Variants in COL5A2 observed in about 807,000 individuals in gnomAD.
COL5A2 encodes collagen alpha-2(V) chain.
COL5A2 carries 23 observed loss-of-function variants against 208.2 expected under a neutral mutation model. The observed-to-expected ratio is 0.11, with a 90% CI of 0.08 to 0.16. The LOEUF (loss-of-function observed/expected upper bound fraction) is 0.16, where lower values mean the gene tolerates loss of function less well. Among genes scored for constraint, COL5A2 ranks in the 10% least tolerant of loss-of-function variants. The probability of loss-of-function intolerance (pLI) is 1.00; values close to 1 mark genes in which losing one functional copy is unlikely to be tolerated. For synonymous variants in COL5A2, 625 were observed against 628.5 expected, an observed-to-expected ratio of 0.99 and a Z score of 0.08; for missense variants, 1,590 against 1,956.4, an observed-to-expected ratio of 0.81 and a Z score of 3.53.
intron 1 of COL5A2, among the ~76,000 whole-genome samples, chr2:189,138,451 A>G (rs1366830703): frequency 3.3e-5 from 5 of 152,136 alleles, no homozygotes; most frequent in African/African-American, 1.2e-4. Context: ...TAACTCATAC[A>G]TGCTTAATTG....
chr2:189,043,076 C>G, intron 48 of COL5A2, 75 bp downstream of exon 48: 1 of 1,062,644 alleles, frequency 9.4e-7, no homozygotes, highest in South Asian at 1.3e-5. Context: ...ATTTTACAGA[C>G]AGATAAATGT....
intron 10 of COL5A2, 114 bp from the exon 11 acceptor site, chr2:189,085,327 G>A (rs1576516642): frequency 1.0e-6 from 1 of 967,104 alleles, no homozygotes; most frequent in African/African-American, 1.6e-5. Flanking sequence ...TGAAACAAAT[G>A]AAAATGATAA....
At chr2:189,192,571 G>A (rs1688944597) in intron 1 of COL5A2, among the ~76,000 whole-genome samples, 1 of 152,092 alleles carries the variant, frequency 6.6e-6, no homozygotes, top group Non-Finnish European at 1.5e-5. Context: ...AAAATATGTT[G>A]TCATTCTCAT....
At chr2:189,353,156 G>A in the COL5A2 span, among the ~76,000 whole-genome samples, 1 of 152,016 alleles carries the variant, frequency 6.6e-6, no homozygotes, top group Non-Finnish European at 1.5e-5. Context: ...ATATATCTGT[G>A]TTGGTACCAG....
chr2:189,380,092 A>G, the COL5A2 span, among the ~76,000 whole-genome samples: 183 of 152,138 alleles, frequency 1.2e-3, no homozygotes, highest in African/African-American at 4.1e-3. Flanking sequence ...AGTAATTACC[A>G]TTATTGTAGT....
At chr2:189,177,035 C>T (rs1399990) in intron 1 of COL5A2, among the ~76,000 whole-genome samples, 150,868 of 152,310 alleles carry the variant, frequency 0.99, 74,735 homozygotes, top group Middle Eastern at 1. Context: ...ACTCAGATTA[C>T]ATTTTACATT....
chr2:189,277,687 G>T, the COL5A2 span, among the ~76,000 whole-genome samples: 1 of 151,396 alleles, frequency 6.6e-6, no homozygotes, highest in Non-Finnish European at 1.5e-5. Context: ...AAAGTATATT[G>T]TTCCATATTG....
the COL5A2 span, among the ~76,000 whole-genome samples, chr2:189,388,511 G>C: frequency 6.6e-6 from 1 of 152,150 alleles, no homozygotes. Flanking sequence ...ACCAGGCTGA[G>C]CACGTACTTG....
At chr2:189,175,229 A>G (rs1320610224) in intron 1 of COL5A2, among the ~76,000 whole-genome samples, 1 of 152,160 alleles carries the variant, frequency 6.6e-6, no homozygotes, top group Non-Finnish European at 1.5e-5. Context: ...GTGTGACCAT[A>G]TGACTAAATT....
chr2:189,404,702 A>G, the COL5A2 span, among the ~76,000 whole-genome samples: 1 of 152,196 alleles, frequency 6.6e-6, no homozygotes, highest in African/African-American at 2.4e-5. Flanking sequence ...CTAACTAATA[A>G]AAGTAATGTC....
chr2:189,436,866 G>T, the COL5A2 span, among the ~76,000 whole-genome samples: 1 of 152,170 alleles, frequency 6.6e-6, no homozygotes, highest in Admixed American at 6.5e-5. Context: ...TGGCCGAGTG[G>T]AGGGAGAGCA....
intron 15 of COL5A2, among the ~76,000 whole-genome samples, chr2:189,078,849 C>T (rs1686471393): frequency 6.6e-6 from 1 of 152,244 alleles, no homozygotes; most frequent in Non-Finnish European, 1.5e-5. Context: ...GGCATTCAAC[C>T]GTTAAGAGAA....
chr2:189,350,548 G>A, the COL5A2 span, among the ~76,000 whole-genome samples: 121 of 152,206 alleles, frequency 7.9e-4, 3 homozygotes, highest in South Asian at 1.7e-3. Context: ...GTGAAGGCCC[G>A]TCATGATAAC....
chr2:189,317,416 T>G, the COL5A2 span, among the ~76,000 whole-genome samples: 2 of 152,266 alleles, frequency 1.3e-5, no homozygotes, highest in East Asian at 3.9e-4. Flanking sequence ...TTGCTAACAC[T>G]TCTATAATTC....
rs1234895433 is a variant in COL5A2, at chr2:189,179,587, C to T, written c.18G>A (p.Ala6=). The change falls in exon 1 of 54, where the codon GCG becomes GCA. Residue 6 remains alanine, a synonymous_variant. Transcript: ENST00000374866. MMANW[A]EARPLLILIV... is the part of the protein sequence containing the mutation. Reference sequence around the variant, plus strand: ...TAAGAATGAGGAGAGGTCTTGCTTCCGCCCAGTTTGCCATCATGTCTAAAT... The same window carrying T: ...TAAGAATGAGGAGAGGTCTTGCTTCTGCCCAGTTTGCCATCATGTCTAAAT... 3 of 1,607,030 alleles carry T rather than the reference C, an allele frequency of 1.9e-6. No individual in the cohort carries two copies. The highest frequency in any genetic ancestry group is 1.7e-5 in the Admixed American group (1 of 59,414).
In COL5A2 at chr2:189,049,441, T is replaced by C. The variant is rs755236802; in HGVS notation, c.3053A>G (p.Lys1018Arg). 2.5e-6 allele frequency: 4 copies of C among 1,612,832 alleles called. No homozygotes were observed. In the Admixed American group the frequency reaches 5.0e-5, roughly 20 times the overall value. ...TCCTGTTGCACCAGTTGGTCCTACT[T>C]TTCCTGGTGTTCCCTGAAATAGAAG... ...GLPGPAGTPGKVGPTGATGDK... is the reference protein window; with the variant it reads ...GLPGPAGTPGRVGPTGATGDK... The change falls in exon 44 of 54, where the codon AAA becomes AGA. Residue 1018 changes from lysine to arginine, a missense_variant. Transcript: ENST00000374866.
chr2:189,068,099 G>A lies in COL5A2; in HGVS notation c.1317C>T (p.Thr439=). 2.5e-6 allele frequency: 4 copies of A among 1,613,874 alleles called. No individual in the cohort carries two copies. Among genetic ancestry groups the A allele is most frequent in the East Asian group, 2.2e-5 (1 of 44,860 alleles). Reference sequence around the variant, plus strand: ...GCCCTGCTGAGCCAGGAGGACCAGAGGTACCTGGAGAGCCCTATTAAACAG... The same window carrying A: ...GCCCTGCTGAGCCAGGAGGACCAGAAGTACCTGGAGAGCCCTATTAAACAG... ...GAKGPTGSPG[T]SGPPGSAGPP... is the part of the protein sequence containing the mutation. The change falls in exon 21 of 54, where the codon ACC becomes ACT. Residue 439 remains threonine, a synonymous_variant. Transcript: ENST00000374866.
the COL5A2 span, among the ~76,000 whole-genome samples, chr2:189,399,012 GT>G: frequency 6.6e-6 from 1 of 152,042 alleles, no homozygotes; most frequent in African/African-American, 2.4e-5. Flanking sequence ...ACTTTGTGCT[GT>G]TTTGTTATAT....
the COL5A2 span, among the ~76,000 whole-genome samples, chr2:189,416,686 A>G: frequency 6.6e-6 from 1 of 152,252 alleles, no homozygotes; most frequent in African/African-American, 2.4e-5. Context: ...CGTTGTGCAC[A>G]TGTACCCTAA....
Sources: allele counts gnomAD v4.1 joint callset (sites outside exome capture counted in the v4.1 genomes callset), GRCh38; gene constraint gnomAD v4.1.1; transcripts MANE v1.5; gene names NCBI Gene and HGNC (gene_info 2026-07-23, HGNC 2026-07-21).